Variants in COL4A5 observed in about 807,000 individuals in gnomAD.
The protein encoded by COL4A5 is collagen alpha-5(IV) chain.
In COL4A5, 26 loss-of-function variants were observed where a neutral mutation model predicts 130.2. The ratio of observed to expected loss-of-function variants is 0.20; its 90% CI spans 0.15 to 0.28. COL4A5 has a LOEUF of 0.28. Among genes scored for constraint, COL4A5 ranks in the 10% least tolerant of loss-of-function variants. The pLI is 1.00. For synonymous variants in COL4A5, 496 were observed against 439.6 expected (o/e 1.13, Z -1.60); for missense variants, 1,131 against 1,344.3 (o/e 0.84, Z 2.48).
intron 28 of COL4A5, 37 bp from the exon 29 acceptor site, chrX:108,606,705 G>A (rs758435799): frequency 8.3e-7 from 1 of 1,205,023 alleles, no homozygotes; most frequent in Admixed American, 2.2e-5. Flanking sequence ...AAAAGTCATG[G>A]GAGTTTTTGT....
chrX:108,568,632 C>T lies in COL4A5; in HGVS notation c.280C>T (p.Pro94Ser), dbSNP rs779822354. 1 of 1,183,070 alleles carries T rather than the reference C, an allele frequency of 8.5e-7. No homozygotes were observed. Among genetic ancestry groups the T allele is most frequent in the Non-Finnish European group, 1.1e-6 (1 of 870,188 alleles). The change falls in exon 5 of 53, where the codon CCT becomes TCT. Residue 94 changes from proline to serine, a missense_variant. Physicochemically the swap from Pro to Ser is moderately conservative, Grantham distance 74. Transcript: ENST00000328300. ...AGGATTTTATTTCTTCTTATAGGGT[C>T]CTCCTGGACTTCCTGGATTTCCAGG... ...GPPGPKGIRG[P>S]PGLPGFPGTP...
At chrX:108,553,963 T>A (rs887422838) in intron 2 of COL4A5, among the ~76,000 whole-genome samples, 3 of 111,828 alleles carry the variant, frequency 2.7e-5, no homozygotes, top group African/African-American at 6.5e-5. Context: ...GACTGAAAAG[T>A]TAGACAAAAA....
chrX:108,582,744 G>A, intron 16 of COL4A5, 140 bp from the exon 17 acceptor site: 1 of 422,488 alleles, frequency 2.4e-6, no homozygotes, highest in Non-Finnish European at 4.3e-6. Flanking sequence ...ATTGCTGCAA[G>A]CTTTGGTTAA....
In COL4A5 at chrX:108,523,451, C is replaced by T. The variant is rs559022397; in HGVS notation, c.82-16295C>T. On this transcript the variant is annotated intron_variant, in intron 1 of 52. Coordinates refer to ENST00000328300, the MANE Select transcript of COL4A5 (RefSeq NM_033380.3). Reference sequence around the variant, plus strand: ...CTCAATTCTGTCCCATTGATCTACACGTCTGTCCTTTTGCCAGTACCACAC... The same window carrying T: ...CTCAATTCTGTCCCATTGATCTACATGTCTGTCCTTTTGCCAGTACCACAC... 2.0e-4 allele frequency among the ~76,000 whole-genome samples: 23 copies of T among 112,270 alleles called. No individual in the cohort carries two copies. In the South Asian group the frequency reaches 6.0e-3, roughly 29 times the overall value.
chrX:108,605,688 C>T (rs1268819336), intron 28 of COL4A5, among the ~76,000 whole-genome samples: 3 of 111,796 alleles, frequency 2.7e-5, no homozygotes, highest in Non-Finnish European at 5.6e-5. Flanking sequence ...AAATGATGCA[C>T]AATAAAATAA....
At chrX:108,568,916 A>G (rs2066016759) in intron 6 of COL4A5, 95 bp downstream of exon 6, 1 of 766,251 alleles carries the variant, frequency 1.3e-6, no homozygotes, top group Admixed American at 2.3e-5. Flanking sequence ...AAGAAGGGAT[A>G]TAGTGTCTTC....
chrX:108,616,229 G>A (rs1177903952), intron 30 of COL4A5, among the ~76,000 whole-genome samples: 1 of 107,535 alleles, frequency 9.3e-6, no homozygotes, highest in Non-Finnish European at 1.9e-5. Flanking sequence ...TTTTTTTGTT[G>A]TTGTTGTTGT....
intron 1 of COL4A5, among the ~76,000 whole-genome samples, chrX:108,495,182 C>T (rs2065023659): frequency 9.1e-6 from 1 of 110,252 alleles, no homozygotes; most frequent in African/African-American, 3.3e-5. Flanking sequence ...AAATATGAAC[C>T]TTGACCTAAG....
In COL4A5 at chrX:108,441,147, T is replaced by TA. The variant is rs3838200; in HGVS notation, c.81+948dup. Among the ~76,000 whole-genome samples, 3 of 111,521 alleles carry TA rather than the reference T, an allele frequency of 2.7e-5. No homozygotes were observed. In the Admixed American group the frequency reaches 2.8e-4, roughly 11 times the overall value. ...CCTATTGGGGATGAGGGCCAGATGTTAAAAAAATGAATGGCTTTGTGAGAG... is the reference window on the plus strand; with the variant it reads ...CCTATTGGGGATGAGGGCCAGATGTTAAAAAAAATGAATGGCTTTGTGAGAG... On this transcript the variant is annotated intron_variant, in intron 1 of 52. Coordinates refer to ENST00000328300, the MANE Select transcript of COL4A5 (RefSeq NM_033380.3).
chrX:108,661,668 A>G (rs1235550113), intron 37 of COL4A5, among the ~76,000 whole-genome samples: 2 of 111,214 alleles, frequency 1.8e-5, no homozygotes, highest in East Asian at 5.7e-4. Flanking sequence ...AATGATATGG[A>G]TAGTATGGTA....
intron 1 of COL4A5, among the ~76,000 whole-genome samples, chrX:108,535,531 T>C (rs933274934): frequency 2.7e-5 from 3 of 111,278 alleles, no homozygotes; most frequent in Non-Finnish European, 5.7e-5. Context: ...GTAATGCTAA[T>C]TTGGATTGCA....
At chrX:108,497,414 C>T (rs1010552644) in intron 1 of COL4A5, among the ~76,000 whole-genome samples, 1 of 111,337 alleles carries the variant, frequency 9.0e-6, no homozygotes, top group Non-Finnish European at 1.9e-5. Context: ...TGTGGTAACT[C>T]TATGTGTAAA....
rs1190131788 is a variant in COL4A5, at chrX:108,568,596, C to T, written c.277-33C>T. On this transcript the variant is annotated intron_variant, in intron 4 of 52. Coordinates refer to ENST00000328300, the MANE Select transcript of COL4A5 (RefSeq NM_033380.3). ...ATATTATTTTATTTTTATGGGTTGT[C>T]ATTTAGTTTAAGGATTTTATTTCTT... 7 of 1,017,658 alleles carry T rather than the reference C, an allele frequency of 6.9e-6. No homozygotes were observed. The African/African-American group carries it at 1.3e-4, about 19-fold the overall frequency. The allele number at this position is 1,017,658 out of a possible 1,213,427, so 83.9% of individuals were successfully genotyped here.
chrX:108,459,343 A>G (rs923767048), intron 1 of COL4A5, among the ~76,000 whole-genome samples: 1 of 111,116 alleles, frequency 9.0e-6, no homozygotes, highest in Non-Finnish European at 1.9e-5. Context: ...GGCCTGTAGG[A>G]TAACGTTTAA....
At chrX:108,507,906 C>A (rs939532246) in intron 1 of COL4A5, among the ~76,000 whole-genome samples, 2 of 111,782 alleles carry the variant, frequency 1.8e-5, no homozygotes, top group African/African-American at 6.5e-5. Context: ...TAAGAGCTCT[C>A]TGTGACAAAC....
At chrX:108,516,386 G>A (rs1245687042) in intron 1 of COL4A5, among the ~76,000 whole-genome samples, 2 of 111,683 alleles carry the variant, frequency 1.8e-5, no homozygotes, top group Admixed American at 1.9e-4. Flanking sequence ...CTTTTTGTTT[G>A]CTTCTTTTAT....
chrX:108,615,008 G>A lies in COL4A5; in HGVS notation c.2493G>A (p.Gly831=). Residue 831 remains glycine (G), a synonymous_variant, in exon 30 of 53, where the codon GGG becomes GGA. Transcript: ENST00000328300. ...CACCAGGACCACCAGGGATTCCTGGGCCAATAGGTCAACCTGGTAAGATTA... is the reference window on the plus strand; with the variant it reads ...CACCAGGACCACCAGGGATTCCTGGACCAATAGGTCAACCTGGTAAGATTA... ...QGPPGPPGIP[G]PIGQPGLHGI... is the part of the protein sequence containing the mutation. 8.4e-7 allele frequency: 1 copy of A among 1,196,435 alleles called. No homozygotes were observed. The highest frequency in any genetic ancestry group is 1.1e-6 in the Non-Finnish European group (1 of 881,749).
intron 36 of COL4A5, among the ~76,000 whole-genome samples, chrX:108,634,297 C>A (rs966120720): frequency 9.1e-6 from 1 of 110,065 alleles, no homozygotes; most frequent in East Asian, 2.8e-4. Flanking sequence ...AATAGCCAAC[C>A]ATAGAATTGT....
At chrX:108,583,511 C>T (rs2066284597) in intron 17 of COL4A5, among the ~76,000 whole-genome samples, 1 of 111,467 alleles carries the variant, frequency 9.0e-6, no homozygotes, top group Non-Finnish European at 1.9e-5. Context: ...ATAACCAGTC[C>T]TCCAATCCCT....
Sources: gnomAD v4.1 joint callset for allele counts (sites outside exome capture counted in the v4.1 genomes callset) on GRCh38, gnomAD v4.1.1 for gene constraint, MANE v1.5 for transcripts, NCBI Gene and HGNC (gene_info 2026-07-23, HGNC 2026-07-21) for gene names.